The following LTA4H variants were observed in gnomAD, a reference collection of about 807,000 sequenced individuals.
The protein encoded by LTA4H is leukotriene A4 hydrolase, also known as leukotriene A-4 hydrolase.
LTA4H carries 59 observed loss-of-function variants against 89.8 expected under a neutral mutation model. The observed-to-expected ratio is 0.66, with a 90% confidence interval of 0.53 to 0.82. The LOEUF is 0.82. LTA4H is among the 40% of genes least tolerant of loss of function. The probability of loss-of-function intolerance (pLI) is 0.00; values close to 1 mark genes in which losing one functional copy is unlikely to be tolerated. For missense variants in LTA4H, 617 were observed against 727.0 expected (o/e 0.85, Z 1.74); for synonymous variants, 227 against 253.1 (o/e 0.90, Z 0.98).
chr12:96,024,338 C>CT, intron 4 of LTA4H, 141 bp downstream of exon 4: 1 of 533,144 alleles, frequency 1.9e-6, no homozygotes, highest in Non-Finnish European at 3.3e-6. Flanking sequence ...GCCACAGCCT[C>CT]TTTGTTTACA....
At chr12:96,008,942 G>C (rs773840237) in intron 15 of LTA4H, 152 bp downstream of exon 15, 2 of 662,434 alleles carry the variant, frequency 3.0e-6, no homozygotes, top group Non-Finnish European at 5.4e-6. Context: ...TCTATATTGA[G>C]AGTAGATATA....
Position 96,013,268 on chromosome 12 carries a change from G to A in LTA4H, c.1309-10C>T, listed in dbSNP as rs146568032. The A allele has an allele frequency of 2.9e-5, 47 of 1,597,546 alleles. No individual in the cohort carries two copies. The East Asian group carries it at 1.0e-3, about 36-fold the overall frequency. On this transcript the variant is annotated splice_polypyrimidine_tract_variant and intron_variant, in intron 13 of 18. Coordinates refer to ENST00000228740, the MANE Select transcript of LTA4H (RefSeq NM_000895.3). ...GATTGAGAACATCAACCTATGAATA[G>A]TAAGAATTCACAGTTTACAATAGAA...
upstream of LTA4H, among the ~76,000 whole-genome samples, chr12:96,036,987 C>T (rs1950653550): frequency 6.6e-6 from 1 of 152,210 alleles, no homozygotes; most frequent in African/African-American, 2.4e-5. Flanking sequence ...TCCCACAAGA[C>T]ACTGTGGCGA....
chr12:96,015,160 G>A, intron 11 of LTA4H, 161 bp from the exon 12 acceptor site: 1 of 568,814 alleles, frequency 1.8e-6, no homozygotes, highest in Admixed American at 3.5e-5. Context: ...ACTTCTGGAA[G>A]TCTATTAATA....
upstream of LTA4H, among the ~76,000 whole-genome samples, chr12:96,036,355 T>G (rs987633627): frequency 1.3e-5 from 2 of 151,846 alleles, no homozygotes; most frequent in Admixed American, 1.3e-4. Flanking sequence ...GCCTTTAGGG[T>G]GGGGCCTCAA....
intron 15 of LTA4H, among the ~76,000 whole-genome samples, chr12:96,008,502 T>C (rs929503732): frequency 2.0e-5 from 3 of 152,170 alleles, no homozygotes; most frequent in African/African-American, 7.2e-5. Context: ...TTATAAATGA[T>C]TTAAAAGGAA....
chr12:96,012,574 G>A (rs1950320103), intron 14 of LTA4H: 1 of 152,484 alleles, frequency 6.6e-6, no homozygotes, highest in Non-Finnish European at 1.5e-5. Flanking sequence ...AGCCGGGTGT[G>A]GTAGTGCGCA....
At position 96,035,584 on chromosome 12, in the gene LTA4H, A is replaced by T. The variant is rs1950633120; in HGVS notation, c.-65T>A. ...ACGCTCAGCTACCAGACTCGTCGAT[A>T]GAGAACCTGAGGAGGAGGGAGAGAG... is the stretch of plus-strand genomic sequence containing the variant. On this transcript the variant is annotated 5_prime_UTR_variant, in exon 1 of 19. Coordinates refer to ENST00000228740, the MANE Select transcript of LTA4H (RefSeq NM_000895.3). The T allele has an allele frequency of 4.6e-6, 7 of 1,517,080 alleles. No individual in the cohort carries two copies. The highest frequency in any genetic ancestry group is 6.2e-6 in the Non-Finnish European group (7 of 1,121,924). 94.0% of individuals were successfully genotyped at this position (1,517,080 alleles called of 1,614,324 possible). A position where few individuals can be genotyped will look rare whatever the true frequency, so the allele number is the denominator to read the frequency against.
At chr12:96,035,955 T>C (rs1592903310), upstream of LTA4H, among the ~76,000 whole-genome samples, 1 of 152,126 alleles carries the variant, frequency 6.6e-6, no homozygotes, top group East Asian at 1.9e-4. Flanking sequence ...GGTGTTTGCA[T>C]ATAGCGAGGG....
chr12:96,013,558 C>A (rs370197942), intron 13 of LTA4H, among the ~76,000 whole-genome samples, 192 bp downstream of exon 13: 1 of 152,084 alleles, frequency 6.6e-6, no homozygotes. Flanking sequence ...TTGATGACTT[C>A]TCTGAAATAG....
intron 10 of LTA4H, 130 bp from the exon 11 acceptor site, chr12:96,015,824 C>G: frequency 1.6e-6 from 1 of 628,854 alleles, no homozygotes; most frequent in Non-Finnish European, 2.8e-6. Context: ...CAGTCTAAGC[C>G]GACTCTGGCT....
intron 8 of LTA4H, among the ~76,000 whole-genome samples, chr12:96,017,911 C>T (rs1950400915): frequency 6.6e-6 from 1 of 152,044 alleles, no homozygotes; most frequent in South Asian, 2.1e-4. Context: ...CTCCTATTAC[C>T]CAAAATATAT....
At chr12:96,035,741 C>G (rs564651765), upstream of LTA4H, 12 of 1,229,240 alleles carry the variant, frequency 9.8e-6, no homozygotes, top group Non-Finnish European at 1.3e-5. Flanking sequence ...GCTTGGCTAC[C>G]TGGGAGCGTG....
upstream of LTA4H, among the ~76,000 whole-genome samples, chr12:96,039,640 C>T (rs1254000864): frequency 1.3e-5 from 2 of 152,142 alleles, no homozygotes; most frequent in African/African-American, 4.8e-5. Flanking sequence ...GAGAAGCAAC[C>T]ACGGTTTGTA....
chr12:96,028,807 A>C (rs1175844876), intron 2 of LTA4H, among the ~76,000 whole-genome samples: 2 of 152,210 alleles, frequency 1.3e-5, no homozygotes, highest in East Asian at 3.8e-4. Context: ...TAAAAGGATG[A>C]ATCGTTTAGA....
rs1425805991 is a variant in LTA4H, at chr12:96,035,516, G to C, written c.4C>G (p.Pro2Ala). 2 of 1,603,198 alleles carry C rather than the reference G, an allele frequency of 1.2e-6. No homozygotes were observed. The highest frequency in any genetic ancestry group is 1.1e-5 in the South Asian group (1 of 89,158). The change falls in exon 1 of 19, where the codon CCC becomes GCC. Residue 2 changes from proline (P) to alanine (A), a missense_variant. Physicochemically the swap from Pro to Ala is conservative, Grantham distance 27. Transcript: ENST00000228740. ...AACGAACAGGTATCCACTATCTCGG[G>C]CATGGCTCTGGGGGATCACACAGCA... M[P>A]EIVDTCSLAS...
intron 14 of LTA4H, chr12:96,009,434 T>C: frequency 2.7e-6 from 1 of 377,228 alleles, no homozygotes; most frequent in Non-Finnish European, 4.8e-6. Flanking sequence ...TAGTATATGC[T>C]AAAGTAGTTG....
intron 1 of LTA4H, among the ~76,000 whole-genome samples, chr12:96,033,237 T>C (rs1443266306): frequency 6.6e-6 from 1 of 152,188 alleles, no homozygotes; most frequent in African/African-American, 2.4e-5. Flanking sequence ...TTTTTTTAAA[T>C]AAAGGTGAAG....
At chr12:96,024,572 A>C in intron 3 of LTA4H, 25 bp from the exon 4 acceptor site, 1 of 1,463,092 alleles carries the variant, frequency 6.8e-7, no homozygotes, top group Non-Finnish European at 9.6e-7. Context: ...AACAAGAAGA[A>C]ATAGCTATTT....
Sources: gnomAD v4.1 joint callset for allele counts (sites outside exome capture counted in the v4.1 genomes callset) on GRCh38, gnomAD v4.1.1 for gene constraint, MANE v1.5 for transcripts, NCBI Gene and HGNC (gene_info 2026-07-23, HGNC 2026-07-21) for gene names.